Variants in ANKMY2 observed in about 807,000 individuals in gnomAD.
ANKMY2 encodes the protein ankyrin repeat and MYND domain-containing protein 2.
A neutral mutation model predicts 50.4 loss-of-function variants in ANKMY2; 36 were observed. That is an observed-to-expected ratio of 0.71 (90% CI 0.55 to 0.94). ANKMY2 has a LOEUF of 0.94. ANKMY2 is among the 40% of genes least tolerant of loss of function. The pLI is 0.00. For missense variants in ANKMY2, 565 were observed against 524.0 expected (o/e 1.08, Z -0.76); for synonymous variants, 187 against 178.8 (o/e 1.05, Z -0.36).
At chr7:16,618,172 T>C (rs1781384740) in intron 4 of ANKMY2, among the ~76,000 whole-genome samples, 1 of 152,016 alleles carries the variant, frequency 6.6e-6, no homozygotes, top group African/African-American at 2.4e-5. Context: ...GTGATCTGCC[T>C]GCCTTAGCCT....
At chr7:16,619,959 A>C (rs1203091314) in intron 4 of ANKMY2, among the ~76,000 whole-genome samples, 1 of 152,246 alleles carries the variant, frequency 6.6e-6, no homozygotes, top group Non-Finnish European at 1.5e-5. Flanking sequence ...TCATTTGCAA[A>C]ACCAGAACTT....
At chr7:16,613,850 C>A (rs777417024) in intron 5 of ANKMY2, among the ~76,000 whole-genome samples, 1 of 148,364 alleles carries the variant, frequency 6.7e-6, no homozygotes, top group African/African-American at 2.5e-5. Context: ...GCAGGAGAAT[C>A]GCTTTAACCT....
chr7:16,636,834 T>C (rs931990181), intron 1 of ANKMY2, among the ~76,000 whole-genome samples: 11 of 152,244 alleles, frequency 7.2e-5, no homozygotes, highest in Non-Finnish European at 1.2e-4. Flanking sequence ...ATGTAATACT[T>C]GGAATTCAAA....
intron 1 of ANKMY2, among the ~76,000 whole-genome samples, chr7:16,640,538 T>C (rs1035157054): frequency 6.6e-6 from 1 of 152,174 alleles, no homozygotes; most frequent in East Asian, 1.9e-4. Flanking sequence ...TAATTTTTTA[T>C]AGATACAGGG....
intron 7 of ANKMY2, 50 bp from the exon 8 acceptor site, chr7:16,604,899 A>G: frequency 6.3e-7 from 1 of 1,577,154 alleles, no homozygotes. Flanking sequence ...ATCACCATGG[A>G]AACACTACAG....
At chr7:16,623,377 G>C (rs1021435559) in intron 4 of ANKMY2, among the ~76,000 whole-genome samples, 4 of 152,156 alleles carry the variant, frequency 2.6e-5, no homozygotes, top group African/African-American at 9.7e-5. Context: ...AATTTTGTTA[G>C]TATTGTAGTG....
At chr7:16,633,806 A>G (rs898578065) in intron 2 of ANKMY2, among the ~76,000 whole-genome samples, 36 of 151,778 alleles carry the variant, frequency 2.4e-4, no homozygotes, top group Non-Finnish European at 1.5e-4. Context: ...CTTTTTTTCT[A>G]TTTAATCTGT....
At chr7:16,627,710 C>A (rs945687084) in intron 2 of ANKMY2, among the ~76,000 whole-genome samples, 5 of 151,996 alleles carry the variant, frequency 3.3e-5, no homozygotes, top group African/African-American at 1.2e-4. Flanking sequence ...ACAGTGGTAT[C>A]ATTTTTTAAA....
In ANKMY2 at chr7:16,636,386, C is replaced by A. The variant is rs752140236; in HGVS notation, c.132+5G>T. 7 of 1,412,980 alleles carry A rather than the reference C, an allele frequency of 5.0e-6. 1 individual carries two copies. The South Asian group carries it at 8.3e-5, about 17-fold the overall frequency. 87.5% of individuals were successfully genotyped at this position (1,412,980 alleles called of 1,614,324 possible). ...AAATCCTTTATTAAACTTCTAAAAT[C>A]TTACCTCGTCCAAACAGTTGACACG... On this transcript the variant is annotated splice_donor_5th_base_variant and intron_variant, in intron 2 of 9. Transcript: ENST00000306999.
At chr7:16,632,537 T>C (rs768001341) in intron 2 of ANKMY2, among the ~76,000 whole-genome samples, 3 of 152,210 alleles carry the variant, frequency 2.0e-5, no homozygotes, top group Admixed American at 1.3e-4. Flanking sequence ...TTCTTTCACT[T>C]AGCATTAATG....
chr7:16,617,711 A>T (rs1289158456), intron 4 of ANKMY2, among the ~76,000 whole-genome samples: 2 of 152,148 alleles, frequency 1.3e-5, no homozygotes, highest in East Asian at 3.9e-4. Context: ...CATGCCTATA[A>T]TCCCAGCACT....
chr7:16,635,714 T>G (rs1472545421), intron 2 of ANKMY2, among the ~76,000 whole-genome samples: 1 of 152,150 alleles, frequency 6.6e-6, no homozygotes, highest in Non-Finnish European at 1.5e-5. Context: ...CACTTAACTT[T>G]CCCTAGAACT....
chr7:16,636,410 C>T lies in ANKMY2; in HGVS notation c.113G>A (p.Arg38His), dbSNP rs149456483. 961 of 1,580,956 alleles carry T rather than the reference C, an allele frequency of 6.1e-4. No individual in the cohort carries two copies. Among genetic ancestry groups the T allele is most frequent in the Non-Finnish European group, 7.8e-4 (904 of 1,164,140 alleles). Reference protein sequence around the residue: ...AGTLLSSKNVRVNCLDENGMT... With the variant: ...AGTLLSSKNVHVNCLDENGMT... ...TCTTACCTCGTCCAAACAGTTGACA[C>T]GAACATTCTTGCTGGATAATAATGT... Residue 38 changes from arginine to histidine, a missense_variant, in exon 2 of 10, where the codon CGT (arginine) becomes CAT (histidine). Transcript: ENST00000306999.
In ANKMY2 at chr7:16,645,680, A is replaced by G. The variant is rs1583691040; in HGVS notation, c.-107T>C. On this transcript the variant is annotated 5_prime_UTR_variant, in exon 1 of 10. Coordinates refer to ENST00000306999, the MANE Select transcript of ANKMY2 (RefSeq NM_020319.3). Reference sequence around the variant, plus strand: ...CGCAATGAGGCAACTTGAGACCAAGACACTGAGTAGCCAACCGCGGAAACG... The same window carrying G: ...CGCAATGAGGCAACTTGAGACCAAGGCACTGAGTAGCCAACCGCGGAAACG... The G allele has an allele frequency of 3.9e-5, 49 of 1,243,584 alleles. No homozygotes were observed. The East Asian group carries it at 1.3e-3, about 34-fold the overall frequency. The allele number at this position is 1,243,584 out of a possible 1,614,324, so 77.0% of individuals were successfully genotyped here. A position where few individuals can be genotyped will look rare whatever the true frequency, so the allele number is the denominator to read the frequency against.
At chr7:16,615,694 C>G in intron 5 of ANKMY2, 50 bp downstream of exon 5, 1 of 1,610,890 alleles carries the variant, frequency 6.2e-7, no homozygotes, top group Admixed American at 1.7e-5. Context: ...GCAGTTTAAA[C>G]TCTGAAGCAA....
chr7:16,622,115 G>A (rs1000459615), intron 4 of ANKMY2, among the ~76,000 whole-genome samples: 1 of 151,808 alleles, frequency 6.6e-6, no homozygotes, highest in African/African-American at 2.4e-5. Context: ...AGAAGGAGGA[G>A]GAGGAGGAAG....
At chr7:16,611,918 C>T (rs112883384) in intron 5 of ANKMY2, among the ~76,000 whole-genome samples, 85 of 152,344 alleles carry the variant, frequency 5.6e-4, no homozygotes, top group Middle Eastern at 6.8e-3. Context: ...GGCACTTTCC[C>T]GCCTTTGGGT....
intron 5 of ANKMY2, among the ~76,000 whole-genome samples, chr7:16,611,833 T>C (rs529091157): frequency 2.3e-4 from 35 of 152,304 alleles, no homozygotes; most frequent in African/African-American, 8.4e-4. Flanking sequence ...TTTAACCTTT[T>C]TTACATACTC....
intron 2 of ANKMY2, among the ~76,000 whole-genome samples, chr7:16,628,103 G>A (rs1186461617): frequency 6.6e-6 from 1 of 152,188 alleles, no homozygotes; most frequent in East Asian, 1.9e-4. Flanking sequence ...CTATTATTTG[G>A]TAGGTAAATG....
Sources: gnomAD v4.1 joint callset for allele counts (sites outside exome capture counted in the v4.1 genomes callset) on GRCh38, gnomAD v4.1.1 for gene constraint, MANE v1.5 for transcripts, NCBI Gene and HGNC (gene_info 2026-07-23, HGNC 2026-07-21) for gene names.